The following AGPS variants were observed in gnomAD, a reference collection of about 807,000 sequenced individuals.
AGPS encodes the protein alkyldihydroxyacetonephosphate synthase, peroxisomal.
In AGPS, 26 loss-of-function variants were observed where a neutral mutation model predicts 90.7. That is an observed-to-expected ratio of 0.29 (90% confidence interval 0.21 to 0.40). AGPS has a LOEUF of 0.40. AGPS is among the 10% of genes least tolerant of loss of function. AGPS has a pLI of 1.00. For missense variants in AGPS, 540 were observed against 816.1 expected (o/e 0.66, Z 4.12); for synonymous variants, 294 against 285.3 (o/e 1.03, Z -0.31).
chr2:177,450,771 G>T (rs1319473876), intron 8 of AGPS, among the ~76,000 whole-genome samples: 1 of 151,430 alleles, frequency 6.6e-6, no homozygotes, highest in East Asian at 1.9e-4. Flanking sequence ...GTCAGTTTCT[G>T]TTAAAAAAAG....
At chr2:177,398,652 A>G (rs969220932) in intron 1 of AGPS, among the ~76,000 whole-genome samples, 1 of 152,248 alleles carries the variant, frequency 6.6e-6, no homozygotes. Flanking sequence ...GATTAAATAG[A>G]TCATGATCAA....
chr2:177,466,506 C>T (rs1005425890), intron 9 of AGPS, among the ~76,000 whole-genome samples: 1 of 152,230 alleles, frequency 6.6e-6, no homozygotes, highest in Non-Finnish European at 1.5e-5. Flanking sequence ...GCCTGTCTGC[C>T]TCCTGCCACT....
chr2:177,539,062 A>G lies in AGPS; in HGVS notation c.*867A>G, dbSNP rs1169918818. The G allele has an allele frequency of 6.6e-6, 1 of 152,096 alleles. No homozygotes were observed. The highest frequency in any genetic ancestry group is 6.6e-5 in the Admixed American group (1 of 15,244). 9.4% of individuals were successfully genotyped at this position (152,096 alleles called of 1,614,324 possible). ...GAAGAAACAGCTACAGCAAGAGCAG[A>G]AGGAAAACTCTTAGACTTAATGTCT... On this transcript the variant is annotated 3_prime_UTR_variant, in exon 20 of 20. Transcript: ENST00000264167.
At chr2:177,489,260 A>G (rs964589994) in intron 11 of AGPS, among the ~76,000 whole-genome samples, 1 of 151,824 alleles carries the variant, frequency 6.6e-6, no homozygotes, top group Non-Finnish European at 1.5e-5. Context: ...AATTTTTTGT[A>G]TTTTTAGTCG....
At chr2:177,527,167 C>T (rs2079096730) in intron 19 of AGPS, among the ~76,000 whole-genome samples, 1 of 151,948 alleles carries the variant, frequency 6.6e-6, no homozygotes, top group Non-Finnish European at 1.5e-5. Context: ...GGGGCTCACA[C>T]CTGTAATCCC....
At chr2:177,515,030 T>G (rs1036443817) in intron 17 of AGPS, among the ~76,000 whole-genome samples, 4 of 149,898 alleles carry the variant, frequency 2.7e-5, no homozygotes, top group Non-Finnish European at 5.9e-5. Context: ...TAGAGATTAT[T>G]TGCTGGGCAT....
At chr2:177,431,171 T>A (rs1335421551) in intron 2 of AGPS, among the ~76,000 whole-genome samples, 1 of 152,142 alleles carries the variant, frequency 6.6e-6, no homozygotes, top group African/African-American at 2.4e-5. Flanking sequence ...CCGGGGGTGA[T>A]ACCACATTAT....
chr2:177,450,314 A>G (rs1055107107), intron 8 of AGPS, among the ~76,000 whole-genome samples: 2 of 152,086 alleles, frequency 1.3e-5, no homozygotes, highest in Admixed American at 6.5e-5. Flanking sequence ...TTTAATTTTT[A>G]TGAAGCCCAG....
intron 5 of AGPS, among the ~76,000 whole-genome samples, chr2:177,439,078 A>C (rs1412182989): frequency 6.6e-6 from 1 of 152,116 alleles, no homozygotes; most frequent in Non-Finnish European, 1.5e-5. Context: ...GCTTAATAGG[A>C]TGCTTAGGGC....
At chr2:177,523,529 C>T in intron 18 of AGPS, among the ~76,000 whole-genome samples, 1 of 152,230 alleles carries the variant, frequency 6.6e-6, no homozygotes, top group Non-Finnish European at 1.5e-5. Flanking sequence ...TCAAAGTGAT[C>T]TTTAGACATT....
intron 12 of AGPS, among the ~76,000 whole-genome samples, chr2:177,495,460 G>C (rs1162653584): frequency 6.6e-6 from 1 of 152,132 alleles, no homozygotes; most frequent in South Asian, 2.1e-4. Flanking sequence ...TGACTACAAA[G>C]CCCAGGAGTT....
chr2:177,416,371 G>C (rs1437457731), intron 1 of AGPS, among the ~76,000 whole-genome samples: 1 of 152,144 alleles, frequency 6.6e-6, no homozygotes, highest in Admixed American at 6.5e-5. Flanking sequence ...CATATAGGAT[G>C]CTATTTTATG....
At chr2:177,451,411 T>C (rs960344108) in intron 8 of AGPS, among the ~76,000 whole-genome samples, 2 of 152,154 alleles carry the variant, frequency 1.3e-5, no homozygotes, top group Non-Finnish European at 2.9e-5. Flanking sequence ...GCAACTTTAC[T>C]AAATTCACTA....
At chr2:177,460,376 T>C (rs770274390) in intron 8 of AGPS, among the ~76,000 whole-genome samples, 55 of 152,216 alleles carry the variant, frequency 3.6e-4, no homozygotes, top group Non-Finnish European at 6.8e-4. Context: ...ACAAGTGATT[T>C]AACTGTTTCC....
intron 16 of AGPS, among the ~76,000 whole-genome samples, chr2:177,509,963 C>A (rs536639531): frequency 1.3e-5 from 2 of 152,130 alleles, no homozygotes; most frequent in Admixed American, 6.5e-5. Flanking sequence ...GCAGGAAAAA[C>A]CAAAAGAAAC....
At chr2:177,458,504 G>A (rs891362444) in intron 8 of AGPS, among the ~76,000 whole-genome samples, 4 of 151,750 alleles carry the variant, frequency 2.6e-5, no homozygotes, top group Admixed American at 1.3e-4. Context: ...TCAGGATAGG[G>A]TGCAAAAATC....
At chr2:177,534,806 C>T (rs1419291822) in intron 19 of AGPS, among the ~76,000 whole-genome samples, 1 of 101,988 alleles carries the variant, frequency 9.8e-6, no homozygotes, top group African/African-American at 3.7e-5. Flanking sequence ...ACTATGTTAC[C>T]CAGGCTGGTC....
At chr2:177,495,603 A>G (rs896333296) in intron 12 of AGPS, among the ~76,000 whole-genome samples, 1 of 152,158 alleles carries the variant, frequency 6.6e-6, no homozygotes, top group African/African-American at 2.4e-5. Context: ...AGTGAGTTTA[A>G]TATTTTAAAA....
intron 16 of AGPS, among the ~76,000 whole-genome samples, chr2:177,511,207 C>A (rs1488693213): frequency 6.6e-6 from 1 of 152,082 alleles, no homozygotes; most frequent in Non-Finnish European, 1.5e-5. Flanking sequence ...TCAAATGATT[C>A]TCCCATCTTG....
Sources: allele counts gnomAD v4.1 joint callset (sites outside exome capture counted in the v4.1 genomes callset), GRCh38; gene constraint gnomAD v4.1.1; transcripts MANE v1.5; gene names NCBI Gene and HGNC (gene_info 2026-07-23, HGNC 2026-07-21).